The following MICU2 variants were observed in gnomAD, a reference collection of about 807,000 sequenced individuals.
MICU2 encodes the protein mitochondrial calcium uptake 2.
A neutral mutation model predicts 60.4 loss-of-function variants in MICU2; 64 were observed. That is an observed-to-expected ratio of 1.06 (90% confidence interval 0.87 to 1.31). The LOEUF (loss-of-function observed/expected upper bound fraction) is 1.31, where lower values mean the gene tolerates loss of function less well. Among genes scored for constraint, MICU2 ranks in the 50% most tolerant of loss-of-function variants. The pLI, the probability that MICU2 is intolerant of heterozygous loss-of-function variation, is 0.00. For synonymous variants in MICU2, 201 were observed against 175.0 expected (o/e 1.15, Z -1.17); for missense variants, 569 against 531.0 (o/e 1.07, Z -0.70).
chr13:21,582,882 C>G, intron 1 of MICU2: 1 of 176,724 alleles, frequency 5.7e-6, no homozygotes, highest in Non-Finnish European at 1.2e-5. Flanking sequence ...ACCATTGTTC[C>G]ATCTGTAAGG....
At position 21,510,102 on chromosome 13, in the gene MICU2, C is replaced by A; in HGVS notation, c.664-1G>T. 1 of 1,416,910 alleles carries A rather than the reference C, an allele frequency of 7.1e-7. No homozygotes were observed. The highest frequency in any genetic ancestry group is 9.3e-7 in the Non-Finnish European group (1 of 1,075,274). The allele number at this position is 1,416,910 out of a possible 1,614,324, so 87.8% of individuals were successfully genotyped here. A position where few individuals can be genotyped will look rare whatever the true frequency, so the allele number is the denominator to read the frequency against. ...TTTCAGGTTCTTTCACTATTGCTTC[C>A]TATTAAAAAAATCACAATAATTTAA... On this transcript the variant is annotated splice_acceptor_variant, in intron 7 of 11. Coordinates refer to ENST00000382374, the MANE Select transcript of MICU2 (RefSeq NM_152726.3). LOFTEE classifies it high-confidence loss of function.
intron 4 of MICU2, among the ~76,000 whole-genome samples, chr13:21,529,310 G>A (rs1305178452): frequency 6.6e-6 from 1 of 152,206 alleles, no homozygotes; most frequent in Non-Finnish European, 1.5e-5. Flanking sequence ...AATACAGGAA[G>A]TGTTGGTTTA....
chr13:21,566,858 T>C lies in MICU2; in HGVS notation c.297A>G (p.Glu99=), dbSNP rs373237105. 115 of 1,613,238 alleles carry C rather than the reference T, an allele frequency of 7.1e-5. 3 individuals are homozygous for C. The South Asian group carries it at 1.1e-3, about 15-fold the overall frequency. The change falls in exon 2 of 12, where the codon GAA becomes GAG. Residue 99 remains glutamate (E), a synonymous_variant. Coordinates refer to ENST00000382374, the MANE Select transcript of MICU2 (RefSeq NM_152726.3). ...CTCGTGGTGTCATATAATATTCTCC[T>C]TCATGTTCGAGTGAAGAAAACTGCA... is the stretch of plus-strand genomic sequence containing the variant. ...RFMQFSSLEH[E]GEYYMTPRDF... is the part of the protein sequence containing the mutation.
At chr13:21,511,296 C>A (rs890379333) in intron 7 of MICU2, among the ~76,000 whole-genome samples, 3 of 152,018 alleles carry the variant, frequency 2.0e-5, no homozygotes, top group East Asian at 3.9e-4. Flanking sequence ...TTGTGCTCTA[C>A]CAGAGCAGAG....
chr13:21,574,672 A>G (rs988474441), intron 1 of MICU2, among the ~76,000 whole-genome samples: 1 of 151,904 alleles, frequency 6.6e-6, no homozygotes, highest in African/African-American at 2.4e-5. Context: ...ATAGCTTTCA[A>G]TATATATATA....
chr13:21,558,163 G>T (rs1393888610), intron 2 of MICU2, among the ~76,000 whole-genome samples: 1 of 152,166 alleles, frequency 6.6e-6, no homozygotes, highest in Non-Finnish European at 1.5e-5. Flanking sequence ...TGCCAAGCTG[G>T]ATTATTTTAA....
At chr13:21,540,517 T>G (rs937989784) in intron 2 of MICU2, among the ~76,000 whole-genome samples, 2 of 152,188 alleles carry the variant, frequency 1.3e-5, no homozygotes, top group African/African-American at 4.8e-5. Context: ...TGCTTTTAGA[T>G]GTGGCTTTTC....
At chr13:21,519,953 A>G (rs1886676035) in intron 6 of MICU2, among the ~76,000 whole-genome samples, 1 of 152,236 alleles carries the variant, frequency 6.6e-6, no homozygotes, top group Non-Finnish European at 1.5e-5. Context: ...CCACCACTCC[A>G]AAGAAGATCT....
intron 1 of MICU2, among the ~76,000 whole-genome samples, chr13:21,581,395 G>A (rs1888345292): frequency 1.3e-5 from 2 of 152,290 alleles, no homozygotes; most frequent in African/African-American, 4.8e-5. Context: ...TGGGATTACA[G>A]GTGTGAGCCA....
At chr13:21,525,773 CT>C (rs1425541945) in intron 4 of MICU2, among the ~76,000 whole-genome samples, 2 of 151,646 alleles carry the variant, frequency 1.3e-5, no homozygotes, top group Non-Finnish European at 2.9e-5. Context: ...TTGTATAGTT[CT>C]TTACATATTC....
In MICU2 at chr13:21,514,188, C is replaced by T. The variant is rs12864834; in HGVS notation, c.663+165G>A. Among the ~76,000 whole-genome samples, 241 of 152,262 alleles carry T rather than the reference C, an allele frequency of 1.6e-3. 2 individuals carry two copies. The highest frequency in any genetic ancestry group is 0.012 in the South Asian group (59 of 4,824). ...GTATAGCCTATTGTTCAGACCACCACGTATATGCAGTCTGTTGTTGACTGA... is the reference window on the plus strand; with the variant it reads ...GTATAGCCTATTGTTCAGACCACCATGTATATGCAGTCTGTTGTTGACTGA... On this transcript the variant is annotated intron_variant, in intron 7 of 11. Transcript: ENST00000382374.
At chr13:21,596,927 G>A (rs1014745369) in intron 1 of MICU2, among the ~76,000 whole-genome samples, 4 of 152,274 alleles carry the variant, frequency 2.6e-5, no homozygotes, top group African/African-American at 9.6e-5. Flanking sequence ...TTTTTGCCAT[G>A]TCAGGATTAT....
chr13:21,506,457 G>C (rs945329126), intron 8 of MICU2, among the ~76,000 whole-genome samples: 7 of 152,144 alleles, frequency 4.6e-5, no homozygotes, highest in African/African-American at 1.7e-4. Flanking sequence ...CAAATTCATG[G>C]TGCACATTTT....
intron 1 of MICU2, among the ~76,000 whole-genome samples, chr13:21,577,482 C>T (rs1774244356): frequency 6.6e-6 from 1 of 151,914 alleles, no homozygotes; most frequent in African/African-American, 2.4e-5. Flanking sequence ...CAGCAAGACC[C>T]TGTTTCTACA....
At chr13:21,512,438 A>C (rs1886453865) in intron 7 of MICU2, among the ~76,000 whole-genome samples, 1 of 144,510 alleles carries the variant, frequency 6.9e-6, no homozygotes, top group African/African-American at 2.6e-5. Flanking sequence ...ATGAACACAA[A>C]TTTTTAATTT....
chr13:21,552,995 C>T (rs141830015), intron 2 of MICU2, among the ~76,000 whole-genome samples: 19,756 of 152,086 alleles, frequency 0.13, 1,388 homozygotes, highest in Middle Eastern at 0.2. Flanking sequence ...ATGGGGATGG[C>T]GTTGAATCTA....
intron 2 of MICU2, among the ~76,000 whole-genome samples, chr13:21,564,944 A>C (rs1887939251): frequency 6.6e-6 from 1 of 152,004 alleles, no homozygotes; most frequent in African/African-American, 2.4e-5. Context: ...AAATATTCCT[A>C]CCTGAAGCTG....
intron 4 of MICU2, 67 bp downstream of exon 4, chr13:21,539,235 A>T: frequency 1.5e-6 from 2 of 1,355,452 alleles, no homozygotes; most frequent in Non-Finnish European, 2.1e-6. Context: ...CTCATACCTT[A>T]ATTCCTTAAT....
At chr13:21,558,235 G>T (rs1887755899) in intron 2 of MICU2, among the ~76,000 whole-genome samples, 1 of 152,152 alleles carries the variant, frequency 6.6e-6, no homozygotes, top group Admixed American at 6.5e-5. Context: ...GCAGTTTTGG[G>T]TATGCCTTCA....
Sources: gnomAD v4.1 joint callset for allele counts (sites outside exome capture counted in the v4.1 genomes callset) on GRCh38, gnomAD v4.1.1 for gene constraint, MANE v1.5 for transcripts, NCBI Gene and HGNC (gene_info 2026-07-23, HGNC 2026-07-21) for gene names.